THSD4: variants seen among roughly 807,000 people sequenced by gnomAD.
THSD4 encodes the protein thrombospondin type-1 domain-containing protein 4.
In THSD4, 69 loss-of-function variants were observed where a neutral mutation model predicts 119.0. The ratio of observed to expected loss-of-function variants is 0.58; its 90% CI spans 0.48 to 0.71. THSD4 has a LOEUF of 0.71. Ranked by LOEUF, THSD4 falls within the 30% of genes least tolerant of loss-of-function variation. The pLI, the probability that THSD4 is intolerant of heterozygous loss-of-function variation, is 0.00. For synonymous variants in THSD4, 524 were observed against 540.4 expected, an observed-to-expected ratio of 0.97 and a Z score of 0.42; for missense variants, 1,393 against 1,391.1, an observed-to-expected ratio of 1.00 and a Z score of -0.02.
chr15:71,613,532 A>G (rs142851993), intron 7 of THSD4, among the ~76,000 whole-genome samples: 1 of 152,218 alleles, frequency 6.6e-6, no homozygotes, highest in Non-Finnish European at 1.5e-5. Context: ...ACATATATAA[A>G]ATAAGTCACA....
intron 7 of THSD4, among the ~76,000 whole-genome samples, chr15:71,445,804 T>G (rs2047172416): frequency 6.6e-6 from 1 of 152,234 alleles, no homozygotes; most frequent in Non-Finnish European, 1.5e-5. Flanking sequence ...TTTTCAAGGT[T>G]GTAGAATTCA....
At chr15:71,415,100 T>C (rs1394869024) in intron 7 of THSD4, among the ~76,000 whole-genome samples, 2 of 152,250 alleles carry the variant, frequency 1.3e-5, no homozygotes, top group African/African-American at 4.8e-5. Flanking sequence ...CAGTTTTCCC[T>C]AAGATGTGCG....
chr15:71,665,519 A>G (rs1358385669), intron 8 of THSD4, among the ~76,000 whole-genome samples: 1 of 152,114 alleles, frequency 6.6e-6, no homozygotes, highest in African/African-American at 2.4e-5. Flanking sequence ...CCATCTGTCA[A>G]TTTTAGCTTT....
intron 6 of THSD4, among the ~76,000 whole-genome samples, chr15:71,380,856 C>T (rs955471590): frequency 6.6e-6 from 1 of 152,168 alleles, no homozygotes; most frequent in Non-Finnish European, 1.5e-5. Context: ...CTGTTAGCTG[C>T]TTCCGTAAGC....
rs933084151 is a variant in THSD4 at position 71,570,857 on chromosome 15, C to T, written c.1153-89673C>T. Among the ~76,000 whole-genome samples the T allele has an allele frequency of 5.3e-5, 8 of 152,302 alleles. No individual in the cohort carries two copies. In the South Asian group the frequency reaches 1.0e-3, roughly 20 times the overall value. On this transcript the variant is annotated intron_variant, in intron 7 of 17. Coordinates refer to ENST00000261862, the MANE Select transcript of THSD4 (RefSeq NM_024817.3). Reference sequence around the variant, plus strand: ...TTCATTCCAGCTGTGACAGCCTGTTCATCTCTGGGTGTCTGTGGCTCCAGG... The same window carrying T: ...TTCATTCCAGCTGTGACAGCCTGTTTATCTCTGGGTGTCTGTGGCTCCAGG...
At chr15:71,416,286 T>G (rs1308330262) in intron 7 of THSD4, among the ~76,000 whole-genome samples, 1 of 39,404 alleles carries the variant, frequency 2.5e-5, no homozygotes, top group African/African-American at 7.4e-5. Flanking sequence ...ATCTTGGCTT[T>G]TGTGAATAGT....
intron 7 of THSD4, among the ~76,000 whole-genome samples, chr15:71,603,004 G>A (rs1352749344): frequency 2.0e-5 from 3 of 152,232 alleles, no homozygotes; most frequent in Non-Finnish European, 4.4e-5. Context: ...TGGCTCTAAA[G>A]CTTGTGCTCT....
chr15:71,263,795 G>T (rs1461288554), intron 6 of THSD4, among the ~76,000 whole-genome samples: 1 of 152,254 alleles, frequency 6.6e-6, no homozygotes, highest in Non-Finnish European at 1.5e-5. Context: ...AGGGGGAAGG[G>T]AGGTACCCTC....
At chr15:71,572,313 C>T (rs2049373049) in intron 7 of THSD4, among the ~76,000 whole-genome samples, 1 of 152,178 alleles carries the variant, frequency 6.6e-6, no homozygotes, top group South Asian at 2.1e-4. Context: ...AGCTGAATAA[C>T]ATTTAATACT....
chr15:71,333,056 C>G (rs142403625), intron 6 of THSD4, among the ~76,000 whole-genome samples: 39 of 151,762 alleles, frequency 2.6e-4, no homozygotes, highest in African/African-American at 5.8e-4. Context: ...GGTATTCCCC[C>G]CTTTTAGGCC....
At chr15:71,569,624 T>G (rs1447673120) in intron 7 of THSD4, among the ~76,000 whole-genome samples, 2 of 152,174 alleles carry the variant, frequency 1.3e-5, no homozygotes, top group Non-Finnish European at 2.9e-5. Flanking sequence ...ACTAGAGATG[T>G]GTCAAAAATT....
chr15:71,265,821 C>T (rs1596304121), intron 6 of THSD4, among the ~76,000 whole-genome samples: 1 of 152,174 alleles, frequency 6.6e-6, no homozygotes, highest in East Asian at 1.9e-4. Context: ...TTTCCCCTCA[C>T]AATGTAAACA....
intron 7 of THSD4, among the ~76,000 whole-genome samples, chr15:71,475,693 C>CGGGAAGT (rs1221832203): frequency 3.9e-5 from 6 of 152,040 alleles, no homozygotes; most frequent in African/African-American, 1.5e-4. Context: ...GAGCTTGAGG[C>CGGGAAGT]GGGAAGTTTG....
Position 71,725,979 on chromosome 15 carries a change from C to G in THSD4, c.1358-2570C>G, listed in dbSNP as rs574332735. Among the ~76,000 whole-genome samples, 22 of 152,236 alleles carry G rather than the reference C, an allele frequency of 1.4e-4. No individual in the cohort carries two copies. In the South Asian group the frequency reaches 2.7e-3, roughly 19 times the overall value. On this transcript the variant is annotated intron_variant, in intron 8 of 17. Coordinates refer to ENST00000261862, the MANE Select transcript of THSD4 (RefSeq NM_024817.3). ...TACTTTTAGCAGAGACGGGGTTTCTCCATTTGTTCAGGCTGGTCTGAAACC... is the reference window on the plus strand; with the variant it reads ...TACTTTTAGCAGAGACGGGGTTTCTGCATTTGTTCAGGCTGGTCTGAAACC...
intron 3 of THSD4, among the ~76,000 whole-genome samples, chr15:71,165,869 G>C (rs1463096779): frequency 6.6e-6 from 1 of 152,132 alleles, no homozygotes; most frequent in Non-Finnish European, 1.5e-5. Context: ...TTGTGGTGTG[G>C]TGTGCTGTGT....
chr15:71,508,623 G>A (rs1031921265), intron 7 of THSD4, among the ~76,000 whole-genome samples: 13 of 152,178 alleles, frequency 8.5e-5, no homozygotes, highest in African/African-American at 3.1e-4. Context: ...TTCCTCATCT[G>A]CAAAGTAAAG....
At chr15:71,100,174 C>T (rs1163194164) in intron 1 of THSD4, among the ~76,000 whole-genome samples, 1 of 152,174 alleles carries the variant, frequency 6.6e-6, no homozygotes, top group Non-Finnish European at 1.5e-5. Context: ...AATCTCCACT[C>T]CTTAAGTATG....
In THSD4 at chr15:71,306,760, C is replaced by T. The variant is rs151233320; in HGVS notation, c.1015+50045C>T. Among the ~76,000 whole-genome samples the T allele has an allele frequency of 3.3e-5, 5 of 152,260 alleles. No homozygotes were observed. In the East Asian group the frequency reaches 7.7e-4, roughly 23 times the overall value. On this transcript the variant is annotated intron_variant, in intron 6 of 17. Coordinates refer to ENST00000261862, the MANE Select transcript of THSD4 (RefSeq NM_024817.3). ...TATCATTTTAAAGGTTCTGAGAAGT[C>T]CTGCAGTTCAAAACAACCCCAAAAC... is the stretch of plus-strand genomic sequence containing the variant.
intron 8 of THSD4, among the ~76,000 whole-genome samples, chr15:71,675,484 G>A (rs569818511): frequency 3.3e-5 from 5 of 152,354 alleles, no homozygotes; most frequent in East Asian, 3.9e-4. Context: ...ACTGTGCTCA[G>A]TGGTGTGGAT....
Sources: allele counts gnomAD v4.1 joint callset (sites outside exome capture counted in the v4.1 genomes callset), GRCh38; gene constraint gnomAD v4.1.1; transcripts MANE v1.5; gene names NCBI Gene and HGNC (gene_info 2026-07-23, HGNC 2026-07-21).